CA10: variants seen among roughly 807,000 people sequenced by gnomAD.
CA10 encodes carbonic anhydrase-related protein 10.
In CA10, 14 loss-of-function variants were observed where a neutral mutation model predicts 44.2. The ratio of observed to expected loss-of-function variants is 0.32; its 90% CI spans 0.21 to 0.50. The LOEUF (loss-of-function observed/expected upper bound fraction) is 0.50, where lower values mean the gene tolerates loss of function less well. Among genes scored for constraint, CA10 ranks in the 20% least tolerant of loss-of-function variants. CA10 has a pLI of 0.99. For missense variants in CA10, 350 were observed against 409.7 expected (o/e 0.85, Z 1.26); for synonymous variants, 159 against 141.6 (o/e 1.12, Z -0.87).
At chr17:52,121,796 C>T (rs182022021) in intron 1 of CA10, among the ~76,000 whole-genome samples, 27 of 152,082 alleles carry the variant, frequency 1.8e-4, no homozygotes, top group Non-Finnish European at 2.5e-4. Flanking sequence ...AAAGCAAGCC[C>T]GTCTCCCAGA....
intron 4 of CA10, among the ~76,000 whole-genome samples, chr17:51,737,322 T>A (rs1916944976): frequency 2.0e-5 from 3 of 152,166 alleles, no homozygotes; most frequent in South Asian, 4.1e-4. Context: ...ACACAGTACA[T>A]GCTCAATAAA....
chr17:52,093,469 T>G (rs80177422), intron 1 of CA10, among the ~76,000 whole-genome samples: 1 of 152,170 alleles, frequency 6.6e-6, no homozygotes, highest in Admixed American at 6.5e-5. Context: ...TTGCTGTGAA[T>G]TGAAACAACT....
chr17:51,897,875 T>C (rs1483682484), intron 3 of CA10, among the ~76,000 whole-genome samples: 2 of 152,152 alleles, frequency 1.3e-5, no homozygotes, highest in Non-Finnish European at 2.9e-5. Context: ...TTGGATGTTA[T>C]TGATGTATAG....
chr17:51,644,125 GATT>G (rs1486392349), intron 6 of CA10, among the ~76,000 whole-genome samples: 1 of 151,580 alleles, frequency 6.6e-6, no homozygotes, highest in African/African-American at 2.4e-5. Flanking sequence ...TCCTGGCATT[GATT>G]TTTTTTGTAA....
intron 3 of CA10, among the ~76,000 whole-genome samples, chr17:51,907,041 T>C (rs552540654): frequency 6.6e-6 from 1 of 152,256 alleles, no homozygotes; most frequent in South Asian, 2.1e-4. Flanking sequence ...CTTTCCAATA[T>C]CTATTGAAAG....
intron 3 of CA10, among the ~76,000 whole-genome samples, chr17:51,888,721 T>A (rs1980722681): frequency 6.6e-6 from 1 of 152,214 alleles, no homozygotes; most frequent in African/African-American, 2.4e-5. Context: ...TGATAATGCT[T>A]TGCCACTGAG....
rs1210407049 is a variant in CA10, at chr17:52,117,475, C to T, written c.61+40251G>A. ...ATTGGGATTTTTTTTCTTTTTTCTC[C>T]ACCCTGAGAATTGAGATTGACAAAT... On this transcript the variant is annotated intron_variant, in intron 1 of 8. Transcript: ENST00000451037. 2.6e-5 allele frequency among the ~76,000 whole-genome samples: 4 copies of T among 152,058 alleles called. No homozygotes were observed. In the East Asian group the frequency reaches 7.7e-4, roughly 29 times the overall value.
chr17:51,932,664 T>A (rs1222569509), intron 2 of CA10, among the ~76,000 whole-genome samples: 3 of 152,054 alleles, frequency 2.0e-5, no homozygotes, highest in African/African-American at 7.2e-5. Context: ...TTCAAAATGG[T>A]AGCAATGGCC....
intron 2 of CA10, among the ~76,000 whole-genome samples, chr17:52,071,683 G>C (rs1987683555): frequency 6.6e-6 from 1 of 152,052 alleles, no homozygotes; most frequent in Non-Finnish European, 1.5e-5. Context: ...CTTGCCTTTT[G>C]CTTGCTTTTT....
intron 1 of CA10, among the ~76,000 whole-genome samples, chr17:52,095,417 A>T (rs955447543): frequency 1.3e-5 from 2 of 152,102 alleles, no homozygotes; most frequent in African/African-American, 4.8e-5. Context: ...TAGTATATAC[A>T]TGTGTAAAAT....
intron 4 of CA10, among the ~76,000 whole-genome samples, chr17:51,709,013 G>C (rs1000051954): frequency 2.6e-5 from 4 of 152,206 alleles, no homozygotes; most frequent in Non-Finnish European, 5.9e-5. Flanking sequence ...GTGATTGTGT[G>C]AGTCAGTACT....
At chr17:52,030,161 C>T (rs373895198) in intron 2 of CA10, among the ~76,000 whole-genome samples, 15 of 152,308 alleles carry the variant, frequency 9.8e-5, no homozygotes, top group African/African-American at 3.6e-4. Context: ...CAGGGACTGG[C>T]TCCTGGTAAT....
intron 4 of CA10, among the ~76,000 whole-genome samples, chr17:51,717,677 GTATATATGTA>G (rs1916174176): frequency 2.4e-5 from 1 of 42,036 alleles, no homozygotes; most frequent in Non-Finnish European, 4.7e-5. Context: ...ATGTATATAT[GTATATATGTA>G]TACATATATG....
At chr17:51,863,247 T>C (rs368608436) in intron 3 of CA10, among the ~76,000 whole-genome samples, 6 of 152,362 alleles carry the variant, frequency 3.9e-5, no homozygotes, top group Admixed American at 1.3e-4. Flanking sequence ...AGGACAAGGA[T>C]GAATCTGGAA....
At chr17:51,743,850 TA>T (rs1261201028) in intron 4 of CA10, among the ~76,000 whole-genome samples, 1 of 152,142 alleles carries the variant, frequency 6.6e-6, no homozygotes, top group Non-Finnish European at 1.5e-5. Context: ...TAGCACAAAA[TA>T]AAAATTAAGT....
chr17:52,006,257 G>A (rs1482959301), intron 2 of CA10, among the ~76,000 whole-genome samples: 1 of 151,598 alleles, frequency 6.6e-6, no homozygotes, highest in East Asian at 1.9e-4. Context: ...CTGTCCCTTT[G>A]TTCCCAACTA....
At chr17:51,660,447 G>C (rs1913962218) in intron 4 of CA10, among the ~76,000 whole-genome samples, 1 of 152,214 alleles carries the variant, frequency 6.6e-6, no homozygotes, top group Non-Finnish European at 1.5e-5. Context: ...CTGCAAGCAG[G>C]CTTCCAAGTT....
In CA10 at chr17:51,657,925, A is replaced by T. The variant is rs187586730; in HGVS notation, c.466-4189T>A. 1.3e-3 allele frequency among the ~76,000 whole-genome samples: 197 copies of T among 152,350 alleles called. 1 individual carries two copies. Among genetic ancestry groups the T allele is most frequent in the African/African-American group, 4.5e-3 (189 of 41,578 alleles). ...AGCTATTCATTAAAGAGATGCCTTG[A>T]GGGCTTCTGCTAGTTTAGTTGGCAT... On this transcript the variant is annotated intron_variant, in intron 4 of 8. Transcript: ENST00000451037.
intron 2 of CA10, among the ~76,000 whole-genome samples, chr17:51,955,222 TC>T (rs1983623184): frequency 6.6e-6 from 1 of 152,078 alleles, no homozygotes; most frequent in South Asian, 2.1e-4. Context: ...CTCGAAGTGG[TC>T]ACCTTTTTTT....
Sources: gnomAD v4.1 joint callset for allele counts (sites outside exome capture counted in the v4.1 genomes callset) on GRCh38, gnomAD v4.1.1 for gene constraint, MANE v1.5 for transcripts, NCBI Gene and HGNC (gene_info 2026-07-23, HGNC 2026-07-21) for gene names.